ZBTB5: variants seen among roughly 807,000 people sequenced by gnomAD.
The protein encoded by ZBTB5 is zinc finger and BTB domain-containing protein 5.
A neutral mutation model predicts 37.9 loss-of-function variants in ZBTB5; 15 were observed. That is an observed-to-expected ratio of 0.40 (90% CI 0.26 to 0.61). ZBTB5 has a LOEUF of 0.61. Ranked by LOEUF, ZBTB5 falls within the 20% of genes least tolerant of loss-of-function variation. The probability of loss-of-function intolerance (pLI) is 0.47; values close to 1 mark genes in which losing one functional copy is unlikely to be tolerated. For missense variants in ZBTB5, 708 were observed against 856.8 expected (o/e 0.83, Z 2.17); for synonymous variants, 315 against 312.4 (o/e 1.01, Z -0.09).
chr9:37,443,334 A>G (rs531952466), intron 1 of ZBTB5, among the ~76,000 whole-genome samples: 2 of 141,652 alleles, frequency 1.4e-5, no homozygotes, highest in South Asian at 2.2e-4. Context: ...ATCTCAAAGG[A>G]AAAAAAAAAA....
At position 37,440,912 on chromosome 9, in the gene ZBTB5, G is replaced by A; in HGVS notation, c.1640C>T (p.Ser547Phe). The change falls in exon 2 of 2, where the codon TCC (serine) becomes TTC (phenylalanine). Residue 547 changes from serine (S) to phenylalanine (F), a missense_variant. Physicochemically the swap from Ser to Phe is radical, Grantham distance 155 (BLOSUM62 -2). Around this residue, in one of 3 missense-constraint regions of ZBTB5, gnomAD observed 639 missense variants for 690.5 expected, o/e 0.93. Transcript: ENST00000307750. ...TTCTGGGATCTGTGAGCTCCTGACGGAAGTTACAACTGGCATTTTGGGAGC... is the reference window on the plus strand; with the variant it reads ...TTCTGGGATCTGTGAGCTCCTGACGAAAGTTACAACTGGCATTTTGGGAGC... ...RIAPKMPVVT[S>F]VRSSQIPENS... 6.2e-7 allele frequency: 1 copy of A among 1,614,204 alleles called. No homozygotes were observed. Among genetic ancestry groups the A allele is most frequent in the Non-Finnish European group, 8.5e-7 (1 of 1,180,034 alleles).
chr9:37,441,037 G>A lies in ZBTB5; in HGVS notation c.1515C>T (p.Asp505=), dbSNP rs768419614. The A allele has an allele frequency of 2.4e-5, 39 of 1,614,074 alleles. No homozygotes were observed. Among genetic ancestry groups the A allele is most frequent in the Non-Finnish European group, 3.1e-5 (37 of 1,180,046 alleles). The change falls in exon 2 of 2, where the codon GAC becomes GAT. Residue 505 remains aspartate, a synonymous_variant. Transcript: ENST00000307750. The stretch of plus-strand genomic sequence containing the variant: ...GGAGGCCCAAACCAGACCTGGAAAA[G>A]TCCATCCCAAACTGTTCTCCTCCTT... ...GYQGGEQFGM[D]FSRSGLGLHS...
Position 37,442,207 on chromosome 9 carries a change from A to G in ZBTB5, c.345T>C (p.Cys115=), listed in dbSNP as rs1823898615. ...GCGTCCTTGTCGTTAAGTAATGTTT[A>G]CATGCCTTAACAACAGAGTTCAAAT... is the stretch of plus-strand genomic sequence containing the variant. ...HLHLNSVVKA[C]KHYLTTRTLP... is the part of the protein sequence containing the mutation. The change falls in exon 2 of 2, where the codon TGT becomes TGC. Residue 115 remains cysteine (C), a synonymous_variant. Coordinates refer to ENST00000307750, the MANE Select transcript of ZBTB5 (RefSeq NM_014872.3). The G allele has an allele frequency of 6.2e-7, 1 of 1,614,222 alleles. No individual in the cohort carries two copies. The highest frequency in any genetic ancestry group is 8.5e-7 in the Non-Finnish European group (1 of 1,180,036).
intron 1 of ZBTB5, among the ~76,000 whole-genome samples, chr9:37,453,416 G>C (rs1824136349): frequency 1.3e-5 from 2 of 152,060 alleles, no homozygotes; most frequent in Non-Finnish European, 2.9e-5. Context: ...CTGTGCTCAA[G>C]GGATCCTTCC....
chr9:37,444,868 T>C (rs913766111), intron 1 of ZBTB5, among the ~76,000 whole-genome samples: 6 of 152,004 alleles, frequency 3.9e-5, no homozygotes, highest in African/African-American at 1.5e-4. Context: ...AGGATGATGA[T>C]GAAGCTCCAG....
At chr9:37,461,322 A>G (rs1382566253) in intron 1 of ZBTB5, among the ~76,000 whole-genome samples, 1 of 152,244 alleles carries the variant, frequency 6.6e-6, no homozygotes, top group African/African-American at 2.4e-5. Context: ...GGTTGAGTGG[A>G]TTTTAAATTA....
At chr9:37,452,205 G>C (rs751739607) in intron 1 of ZBTB5, among the ~76,000 whole-genome samples, 1 of 152,174 alleles carries the variant, frequency 6.6e-6, no homozygotes, top group Non-Finnish European at 1.5e-5. Flanking sequence ...GATATCTTTC[G>C]CTGTCATTAA....
At position 37,442,101 on chromosome 9, in the gene ZBTB5, G is replaced by C. The variant is rs1055213261; in HGVS notation, c.451C>G (p.Leu151Val). 2.5e-6 allele frequency: 4 copies of C among 1,614,082 alleles called. No homozygotes were observed. The highest frequency in any genetic ancestry group is 1.3e-5 in the African/African-American group (1 of 75,068). ...TTGAGGGCTGAGCTCACGATGCTTA[G>C]TCCCAGCTGCTGTAGCATAAAGGAG... ...QRSFMLQQLG[L>V]SIVSSALNSS... The change falls in exon 2 of 2, where the codon CTA (leucine) becomes GTA (valine). Residue 151 changes from leucine to valine, a missense_variant. Transcript: ENST00000307750.
rs375336662 is a variant in ZBTB5 at position 37,442,269 on chromosome 9, T to C, written c.283A>G (p.Asn95Asp). ...YTSTLMLGES[N>D]VMDVLLAASH... Reference sequence around the variant, plus strand: ...GCTGCCAATAAGACATCCATTACATTGCTCTCCCCCAGCATGAGGGTGGAG... The same window carrying C: ...GCTGCCAATAAGACATCCATTACATCGCTCTCCCCCAGCATGAGGGTGGAG... Residue 95 changes from asparagine to aspartate, a missense_variant, in exon 2 of 2, where the codon AAT (asparagine) becomes GAT (aspartate). Transcript: ENST00000307750. 3.7e-6 allele frequency: 6 copies of C among 1,614,074 alleles called. No homozygotes were observed. The highest frequency in any genetic ancestry group is 5.1e-6 in the Non-Finnish European group (6 of 1,180,030).
chr9:37,463,806 T>C (rs1382656092), intron 1 of ZBTB5, among the ~76,000 whole-genome samples: 4 of 152,182 alleles, frequency 2.6e-5, no homozygotes, highest in African/African-American at 9.7e-5. Context: ...ACACAACTTT[T>C]AGGGAAAAGG....
At chr9:37,448,275 T>C (rs567808267) in intron 1 of ZBTB5, among the ~76,000 whole-genome samples, 1 of 152,300 alleles carries the variant, frequency 6.6e-6, no homozygotes, top group Admixed American at 6.5e-5. Context: ...ACTTTAGGGA[T>C]GCTTGGAACT....
intron 1 of ZBTB5, among the ~76,000 whole-genome samples, chr9:37,462,093 A>G (rs1824304030): frequency 6.6e-6 from 1 of 152,190 alleles, no homozygotes; most frequent in Non-Finnish European, 1.5e-5. Context: ...CAGACTCCCA[A>G]GTAGTTGGGA....
Position 37,440,464 on chromosome 9 carries a change from A to C in ZBTB5, c.*54T>G, listed in dbSNP as rs1823842540. On this transcript the variant is annotated 3_prime_UTR_variant, in exon 2 of 2. Transcript: ENST00000307750. ...AACCCAAAGGCATTAACTGCTTACC[A>C]AAAGAAATTCAGTCTGACAACTGGC... 6.4e-7 allele frequency: 1 copy of C among 1,555,626 alleles called. No homozygotes were observed. The highest frequency in any genetic ancestry group is 1.4e-5 in the African/African-American group (1 of 73,520).
chr9:37,444,444 C>G (rs1026535894), intron 1 of ZBTB5, among the ~76,000 whole-genome samples: 1 of 152,154 alleles, frequency 6.6e-6, no homozygotes, highest in Non-Finnish European at 1.5e-5. Context: ...AGGTGATCCG[C>G]CCACCCTGGC....
chr9:37,455,195 A>G (rs1260554680), intron 1 of ZBTB5, among the ~76,000 whole-genome samples: 1 of 152,172 alleles, frequency 6.6e-6, no homozygotes, highest in African/African-American at 2.4e-5. Context: ...GCAGAGGAGC[A>G]TAAGAGCAGC....
At position 37,465,242 on chromosome 9, in the gene ZBTB5, T is replaced by A. The variant is rs962432928; in HGVS notation, c.-32A>T. On this transcript the variant is annotated 5_prime_UTR_variant, in exon 1 of 2. Coordinates refer to ENST00000307750, the MANE Select transcript of ZBTB5 (RefSeq NM_014872.3). ...GAGTCGGGCTCCGCCCCCCTCCTCCTCGCTGAAGGAGGCGGTGACCCCTCT... is the reference window on the plus strand; with the variant it reads ...GAGTCGGGCTCCGCCCCCCTCCTCCACGCTGAAGGAGGCGGTGACCCCTCT... The A allele has an allele frequency of 2.0e-5, 3 of 151,948 alleles. No homozygotes were observed. Among genetic ancestry groups the A allele is most frequent in the African/African-American group, 7.3e-5 (3 of 41,326 alleles). 9.4% of individuals were successfully genotyped at this position (151,948 alleles called of 1,614,324 possible). A position where few individuals can be genotyped will look rare whatever the true frequency, so the allele number is the denominator to read the frequency against.
chr9:37,449,048 A>G (rs1824048444), intron 1 of ZBTB5, among the ~76,000 whole-genome samples: 1 of 152,062 alleles, frequency 6.6e-6, no homozygotes. Flanking sequence ...GTTTCAAAAT[A>G]AATAAATAAA....
chr9:37,451,714 T>A (rs1005199000), intron 1 of ZBTB5, among the ~76,000 whole-genome samples: 1 of 152,276 alleles, frequency 6.6e-6, no homozygotes, highest in African/African-American at 2.4e-5. Context: ...AAGCTTTTTA[T>A]CCTTAAAAGA....
At chr9:37,464,644 C>G (rs1588787574) in intron 1 of ZBTB5, among the ~76,000 whole-genome samples, 3 of 152,258 alleles carry the variant, frequency 2.0e-5, no homozygotes, top group Admixed American at 2.0e-4. Context: ...GCATCCCCCA[C>G]AGCTCCTCGC....
Sources: gnomAD v4.1 joint callset for allele counts (sites outside exome capture counted in the v4.1 genomes callset) on GRCh38, gnomAD v4.1.1 for gene constraint, gnomAD v4.1.1 regional missense constraint, MANE v1.5 for transcripts, NCBI Gene and HGNC (gene_info 2026-07-23, HGNC 2026-07-21) for gene names.